Variants in ALPK1 observed in about 807,000 individuals in gnomAD.
The protein encoded by ALPK1 is alpha kinase 1, also known as alpha-protein kinase 1.
ALPK1 carries 110 observed loss-of-function variants against 120.6 expected under a neutral mutation model. The ratio of observed to expected loss-of-function variants is 0.91; its 90% confidence interval spans 0.78 to 1.07. The LOEUF (loss-of-function observed/expected upper bound fraction) is 1.07, where lower values mean the gene tolerates loss of function less well. Ranked by LOEUF, ALPK1 falls within the 50% of genes least tolerant of loss-of-function variation. The pLI is 0.00. For missense variants in ALPK1, 1,498 were observed against 1,483.9 expected (o/e 1.01, Z -0.16); for synonymous variants, 582 against 560.3 (o/e 1.04, Z -0.55).
chr4:112,383,298 T>C (rs1156425236), intron 4 of ALPK1: 1 of 151,450 alleles, frequency 6.6e-6, no homozygotes, highest in East Asian at 1.9e-4. Flanking sequence ...TATATATATA[T>C]ATATTTTCTC....
At chr4:112,384,889 C>T (rs1317949902) in intron 4 of ALPK1, 1 of 152,198 alleles carries the variant, frequency 6.6e-6, no homozygotes. Flanking sequence ...TAGACTGGAG[C>T]CCTTCTGCAA....
intron 5 of ALPK1, 32 bp from the exon 6 acceptor site, chr4:112,423,912 T>G: frequency 6.2e-7 from 1 of 1,612,702 alleles, no homozygotes; most frequent in Non-Finnish European, 8.5e-7. Flanking sequence ...TGTTCAAAGC[T>G]AATTGTGTGG....
chr4:112,439,541 T>C, intron 13 of ALPK1, 145 bp from the exon 14 acceptor site: 1 of 599,426 alleles, frequency 1.7e-6, no homozygotes. Context: ...AAAAGGTAGT[T>C]ATAATTATAC....
intron 5 of ALPK1, among the ~76,000 whole-genome samples, chr4:112,419,337 T>G (rs1014376164): frequency 6.6e-6 from 1 of 152,220 alleles, no homozygotes; most frequent in African/African-American, 2.4e-5. Context: ...GTGCCAACAA[T>G]TGCATTAGGC....
At chr4:112,394,754 T>C (rs1732576418) in intron 4 of ALPK1, among the ~76,000 whole-genome samples, 1 of 152,236 alleles carries the variant, frequency 6.6e-6, no homozygotes, top group Non-Finnish European at 1.5e-5. Context: ...ATGAATTTCA[T>C]GTCTCCCCAT....
chr4:112,390,199 G>T (rs1027827429), intron 4 of ALPK1, among the ~76,000 whole-genome samples: 1 of 152,060 alleles, frequency 6.6e-6, no homozygotes, highest in Non-Finnish European at 1.5e-5. Flanking sequence ...TCCATCTCAT[G>T]GCCTCCTTTC....
intron 4 of ALPK1, among the ~76,000 whole-genome samples, chr4:112,392,609 C>T (rs933804675): frequency 6.6e-6 from 1 of 152,188 alleles, no homozygotes; most frequent in Non-Finnish European, 1.5e-5. Flanking sequence ...TGACTGTAAC[C>T]TCTGCTTCCC....
intron 2 of ALPK1, chr4:112,356,034 A>G: frequency 1.4e-6 from 1 of 723,568 alleles, no homozygotes; most frequent in Non-Finnish European, 2.5e-6. Flanking sequence ...TCACTTACCA[A>G]GAGCGGCTGA....
chr4:112,321,947 C>T (rs981737953), intron 2 of ALPK1, among the ~76,000 whole-genome samples: 3 of 152,130 alleles, frequency 2.0e-5, no homozygotes, highest in Admixed American at 6.5e-5. Context: ...AGTGAAATTG[C>T]TTATACCTGT....
intron 1 of ALPK1, among the ~76,000 whole-genome samples, chr4:112,307,111 A>G (rs966627503): frequency 6.6e-6 from 1 of 152,124 alleles, no homozygotes; most frequent in African/African-American, 2.4e-5. Context: ...CTGTGGTCTG[A>G]GAGACAGTTT....
chr4:112,390,215 A>G (rs1215384728), intron 4 of ALPK1, among the ~76,000 whole-genome samples: 1 of 152,044 alleles, frequency 6.6e-6, no homozygotes, highest in Non-Finnish European at 1.5e-5. Context: ...CTTTCAGTCC[A>G]CACTCTTACC....
At chr4:112,342,342 G>A (rs1046622147) in intron 2 of ALPK1, among the ~76,000 whole-genome samples, 14 of 152,248 alleles carry the variant, frequency 9.2e-5, no homozygotes, top group Admixed American at 5.2e-4. Flanking sequence ...GACAGAACAA[G>A]CTACTCATTT....
chr4:112,353,847 C>T (rs2148712442), intron 2 of ALPK1, among the ~76,000 whole-genome samples: 1 of 151,632 alleles, frequency 6.6e-6, no homozygotes, highest in African/African-American at 2.4e-5. Flanking sequence ...CCAACCTGAG[C>T]TACAGAGTGA....
At chr4:112,326,128 C>T (rs1252562676) in intron 2 of ALPK1, among the ~76,000 whole-genome samples, 2 of 152,148 alleles carry the variant, frequency 1.3e-5, no homozygotes, top group Non-Finnish European at 2.9e-5. Context: ...TAGAGATGAT[C>T]ATCATTTCTT....
chr4:112,429,472 T>G (rs1734428657), intron 10 of ALPK1, among the ~76,000 whole-genome samples: 1 of 152,210 alleles, frequency 6.6e-6, no homozygotes, highest in Non-Finnish European at 1.5e-5. Flanking sequence ...GGGTAGATTG[T>G]TGTCTGTTGT....
intron 3 of ALPK1, among the ~76,000 whole-genome samples, chr4:112,379,306 A>G (rs1731797884): frequency 6.6e-6 from 1 of 152,232 alleles, no homozygotes; most frequent in Non-Finnish European, 1.5e-5. Flanking sequence ...TAAAATCACT[A>G]AATTAGACAT....
At chr4:112,298,658 A>T (rs1727648980) in intron 1 of ALPK1, among the ~76,000 whole-genome samples, 1 of 152,192 alleles carries the variant, frequency 6.6e-6, no homozygotes. Flanking sequence ...ATCTATTTTA[A>T]ACTGTAAAGA....
At chr4:112,398,562 G>A (rs1424095046) in intron 4 of ALPK1, among the ~76,000 whole-genome samples, 3 of 152,142 alleles carry the variant, frequency 2.0e-5, no homozygotes, top group African/African-American at 4.8e-5. Context: ...GCTTCCCAAA[G>A]TGCTGGAATT....
At chr4:112,357,755 G>T in intron 2 of ALPK1, 1 of 1,247,180 alleles carries the variant, frequency 8.0e-7, no homozygotes, top group Non-Finnish European at 1.2e-6. Context: ...AAGGCTCTGG[G>T]CAACATCGCC....
Sources: allele counts gnomAD v4.1 joint callset (sites outside exome capture counted in the v4.1 genomes callset), GRCh38; gene constraint gnomAD v4.1.1; transcripts MANE v1.5; gene names NCBI Gene and HGNC (gene_info 2026-07-23, HGNC 2026-07-21).